Variants in MOSPD1 observed in about 807,000 individuals in gnomAD.
MOSPD1 encodes motile sperm domain-containing protein 1.
A neutral mutation model predicts 16.7 loss-of-function variants in MOSPD1; 5 were observed. The observed-to-expected ratio is 0.30, with a 90% CI of 0.16 to 0.63. The LOEUF (loss-of-function observed/expected upper bound fraction) is 0.63. Among genes scored for constraint, MOSPD1 ranks in the 30% least tolerant of loss-of-function variants. The pLI is 0.82. For missense variants in MOSPD1, 104 were observed against 153.6 expected, an observed-to-expected ratio of 0.68 and a Z score of 1.71; for synonymous variants, 67 against 59.2, an observed-to-expected ratio of 1.13 and a Z score of -0.61.
At chrX:134,912,546 C>T (rs2082977229) in intron 1 of MOSPD1, among the ~76,000 whole-genome samples, 1 of 109,679 alleles carries the variant, frequency 9.1e-6, no homozygotes, top group Admixed American at 9.8e-5. Flanking sequence ...ATGGCTTCAG[C>T]TTAATGCAGC....
At chrX:134,903,079 T>C (rs2148396773) in intron 1 of MOSPD1, among the ~76,000 whole-genome samples, 1 of 109,439 alleles carries the variant, frequency 9.1e-6, no homozygotes, top group African/African-American at 3.3e-5. Flanking sequence ...CATCCAAATT[T>C]GGCATCACAA....
chrX:134,899,636 G>A, intron 1 of MOSPD1, 102 bp from the exon 2 acceptor site: 1 of 337,712 alleles, frequency 3.0e-6, no homozygotes, highest in Non-Finnish European at 4.9e-6. Context: ...ATTAAAACAG[G>A]CCCCTGAATC....
intron 1 of MOSPD1, among the ~76,000 whole-genome samples, chrX:134,905,105 A>G (rs1386528718): frequency 2.7e-5 from 3 of 110,614 alleles, no homozygotes; most frequent in Non-Finnish European, 5.7e-5. Flanking sequence ...CACGCCTGTA[A>G]TCCCAGCACT....
At chrX:134,893,224 T>C (rs758000511) in intron 4 of MOSPD1, among the ~76,000 whole-genome samples, 3 of 112,007 alleles carry the variant, frequency 2.7e-5, no homozygotes, top group East Asian at 5.6e-4. Context: ...TAATTATTGT[T>C]TGGAATGAAA....
chrX:134,902,847 T>C (rs1168835739), intron 1 of MOSPD1, among the ~76,000 whole-genome samples: 10 of 57,591 alleles, frequency 1.7e-4, no homozygotes, highest in African/African-American at 7.6e-4. Context: ...CCTGGGTTTA[T>C]ACAAAAAAAA....
intron 3 of MOSPD1, among the ~76,000 whole-genome samples, chrX:134,898,114 G>C (rs768155474): frequency 1.8e-5 from 2 of 110,549 alleles, no homozygotes; most frequent in Non-Finnish European, 3.8e-5. Context: ...CCTGACCTCA[G>C]GTGATCCTCC....
In MOSPD1 at chrX:134,888,688, T is replaced by C. The variant is rs2082846121; in HGVS notation, c.*473A>G. 1.8e-5 allele frequency: 2 copies of C among 112,059 alleles called. No individual in the cohort carries two copies. The highest frequency in any genetic ancestry group is 9.6e-5 in the Admixed American group (1 of 10,471). The allele number at this position is 112,059 out of a possible 1,213,427, so 9.2% of individuals were successfully genotyped here. A position where few individuals can be genotyped will look rare whatever the true frequency, so the allele number is the denominator to read the frequency against. On this transcript the variant is annotated 3_prime_UTR_variant, in exon 6 of 6. Transcript: ENST00000370783. ...ACATTAATGGTAAAACACTTATTTT[T>C]AGAAACACCATGGCAACCATTTATA... is the stretch of plus-strand genomic sequence containing the variant.
At chrX:134,913,060 G>A (rs1357056731) in intron 1 of MOSPD1, among the ~76,000 whole-genome samples, 1 of 110,807 alleles carries the variant, frequency 9.0e-6, no homozygotes, top group Admixed American at 9.6e-5. Flanking sequence ...CCAACATTGG[G>A]AAATCCCTAC....
chrX:134,912,036 G>T (rs2082973794), intron 1 of MOSPD1, among the ~76,000 whole-genome samples: 1 of 112,097 alleles, frequency 8.9e-6, no homozygotes, highest in Admixed American at 9.5e-5. Context: ...TGAGAATTTT[G>T]CACGGTGCAA....
chrX:134,901,247 G>A (rs1569468602), intron 1 of MOSPD1, among the ~76,000 whole-genome samples: 2 of 111,917 alleles, frequency 1.8e-5, no homozygotes, highest in Admixed American at 9.5e-5. Context: ...TAATTGACAA[G>A]CAAAAATATT....
intron 1 of MOSPD1, among the ~76,000 whole-genome samples, chrX:134,912,901 T>C (rs2082979861): frequency 9.7e-6 from 1 of 103,146 alleles, no homozygotes; most frequent in Non-Finnish European, 2.0e-5. Flanking sequence ...ATTGTGCCAC[T>C]GCACGCTCCA....
At chrX:134,915,069 A>G (rs1378608396) in intron 1 of MOSPD1, 113 bp downstream of exon 1, 1 of 113,421 alleles carries the variant, frequency 8.8e-6, no homozygotes, top group East Asian at 2.8e-4. Flanking sequence ...TCACAGAGCC[A>G]AGCTCCGGCT....
At position 134,891,516 on chromosome X, in the gene MOSPD1, T is replaced by G; in HGVS notation, c.573A>C (p.Leu191Phe). Residue 191 changes from leucine to phenylalanine, a missense_variant, in exon 5 of 6, where the codon TTA (leucine) becomes TTC (phenylalanine). By Grantham distance (22) the Leu-to-Phe change is conservative (BLOSUM62 0). Transcript: ENST00000370783. ...CAGCCACTAATTTTTGATTCACACT[T>G]AAGTGGAGGTAGAGAGGCACCAGCG... is the stretch of plus-strand genomic sequence containing the variant. ...VESLVPLYLH[L>F]SVNQKLVAAY... 8.3e-7 allele frequency: 1 copy of G among 1,210,971 alleles called. No individual in the cohort carries two copies. The highest frequency in any genetic ancestry group is 1.1e-6 in the Non-Finnish European group (1 of 895,295).
chrX:134,908,800 G>A (rs2082956030), intron 1 of MOSPD1, among the ~76,000 whole-genome samples: 1 of 111,908 alleles, frequency 8.9e-6, no homozygotes, highest in African/African-American at 3.3e-5. Flanking sequence ...AAAGTATGAT[G>A]GTTTTTTCCA....
At chrX:134,891,426 C>T in intron 5 of MOSPD1, 53 bp downstream of exon 5, 1 of 1,117,455 alleles carries the variant, frequency 8.9e-7, no homozygotes, top group Non-Finnish European at 1.2e-6. Flanking sequence ...ACCACCCTAC[C>T]ACACACATAA....
intron 1 of MOSPD1, among the ~76,000 whole-genome samples, chrX:134,902,091 C>A (rs750238314): frequency 1.8e-4 from 20 of 111,306 alleles, no homozygotes; most frequent in Non-Finnish European, 3.4e-4. Flanking sequence ...TATGAAGAGA[C>A]CAGACTGAGA....
chrX:134,900,917 T>C (rs2082908601), intron 1 of MOSPD1, among the ~76,000 whole-genome samples: 1 of 111,373 alleles, frequency 9.0e-6, no homozygotes, highest in African/African-American at 3.3e-5. Context: ...TCAGAGAAAA[T>C]ATCTGATTTT....
chrX:134,899,548 G>A lies in MOSPD1; in HGVS notation c.-101-14C>T. 2.8e-6 allele frequency: 2 copies of A among 723,255 alleles called. No individual in the cohort carries two copies. The highest frequency in any genetic ancestry group is 3.9e-6 in the Non-Finnish European group (2 of 509,917). 59.6% of individuals were successfully genotyped at this position (723,255 alleles called of 1,213,427 possible). ...CATTTTGGCAATCTAGAAATAGAAGGAGAAAGCGAGAAGAAAAGTGAATGA... is the reference window on the plus strand; with the variant it reads ...CATTTTGGCAATCTAGAAATAGAAGAAGAAAGCGAGAAGAAAAGTGAATGA... On this transcript the variant is annotated splice_polypyrimidine_tract_variant and intron_variant, in intron 1 of 5. Coordinates refer to ENST00000370783, the MANE Select transcript of MOSPD1 (RefSeq NM_019556.3).
chrX:134,902,300 G>A (rs1470250958), intron 1 of MOSPD1, among the ~76,000 whole-genome samples: 1 of 109,227 alleles, frequency 9.2e-6, no homozygotes, highest in African/African-American at 3.3e-5. Context: ...CCAGCTACTC[G>A]GGAGGCTAAG....
Sources: gnomAD v4.1 joint callset for allele counts (sites outside exome capture counted in the v4.1 genomes callset) on GRCh38, gnomAD v4.1.1 for gene constraint, MANE v1.5 for transcripts, NCBI Gene and HGNC (gene_info 2026-07-23, HGNC 2026-07-21) for gene names.